Variants in FRMPD3 observed in about 807,000 individuals in gnomAD.
The protein encoded by FRMPD3 is FERM and PDZ domain-containing protein 3.
A neutral mutation model predicts 97.9 loss-of-function variants in FRMPD3; 42 were observed. The ratio of observed to expected loss-of-function variants is 0.43; its 90% CI spans 0.34 to 0.55. The LOEUF is 0.55. Among genes scored for constraint, FRMPD3 ranks in the 20% least tolerant of loss-of-function variants. The probability of loss-of-function intolerance (pLI) is 0.03; values close to 1 mark genes in which losing one functional copy is unlikely to be tolerated. For missense variants in FRMPD3, 1,303 were observed against 1,457.7 expected (o/e 0.89, Z 1.73); for synonymous variants, 577 against 581.1 (o/e 0.99, Z 0.10).
rs748857613 is a variant in FRMPD3 at position 107,600,595 on chromosome X, C to T, written c.2556C>T (p.Gly852=). 2 of 1,210,096 alleles carry T rather than the reference C, an allele frequency of 1.7e-6. No homozygotes were observed. The highest frequency in any genetic ancestry group is 2.2e-6 in the Non-Finnish European group (2 of 894,944). Residue 852 remains glycine, a synonymous_variant, in exon 15 of 15, where the codon GGC becomes GGT. Transcript: ENST00000683843. The stretch of plus-strand genomic sequence containing the variant: ...CCATTGCCACAGGCCAGAGTCCTGG[C>T]CCCCCTGGCGCTCGGAGGAAGCTGC... ...LQPIATGQSP[G]PPGARRKLPQ...
chrX:107,583,742 T>C (rs1428792882), intron 13 of FRMPD3, among the ~76,000 whole-genome samples: 2 of 111,641 alleles, frequency 1.8e-5, no homozygotes, highest in Non-Finnish European at 3.8e-5. Flanking sequence ...ACAGCCTCAC[T>C]AGCATTTATT....
At chrX:107,591,778 C>T (rs1366816225) in intron 13 of FRMPD3, among the ~76,000 whole-genome samples, 1 of 110,546 alleles carries the variant, frequency 9.0e-6, no homozygotes, top group Admixed American at 9.7e-5. Context: ...TTTGTGTGTA[C>T]ATAGTAGTTG....
chrX:107,600,867 T>C lies in FRMPD3; in HGVS notation c.2828T>C (p.Leu943Pro). The C allele has an allele frequency of 5.0e-6, 6 of 1,209,521 alleles. No individual in the cohort carries two copies. The highest frequency in any genetic ancestry group is 6.7e-6 in the Non-Finnish European group (6 of 894,887). ...AAGGAGGTCAGGTTGAGCCCCAAGC[T>C]TATCCTCGACCCAAAGAGCAGTGTG... Reference protein sequence around the residue: ...LPKEVRLSPKLILDPKSSVTP... With the variant: ...LPKEVRLSPKPILDPKSSVTP... The change falls in exon 15 of 15, where the codon CTT becomes CCT. Residue 943 changes from leucine (L) to proline (P), a missense_variant. Around this residue, in one of 3 missense-constraint regions of FRMPD3, gnomAD observed 764 missense variants for 820.2 expected, o/e 0.93. Coordinates refer to ENST00000683843, the MANE Select transcript of FRMPD3 (RefSeq NM_001388459.1).
chrX:107,576,494 A>G, intron 13 of FRMPD3, 35 bp downstream of exon 13: 3 of 1,199,145 alleles, frequency 2.5e-6, no homozygotes, highest in Non-Finnish European at 3.4e-6. Flanking sequence ...TTGCTGTGCC[A>G]GAGGCCCTTT....
chrX:107,557,797 CTATA>C (rs59276897), intron 8 of FRMPD3, among the ~76,000 whole-genome samples: 2,265 of 29,874 alleles, frequency 0.076, 40 homozygotes, highest in Non-Finnish European at 0.11. Flanking sequence ...AATCTGTTGT[CTATA>C]TATATATATA....
chrX:107,455,907 A>T (rs750698882), intron 1 of FRMPD3, among the ~76,000 whole-genome samples: 1 of 111,704 alleles, frequency 9.0e-6, no homozygotes, highest in Non-Finnish European at 1.9e-5. Flanking sequence ...ATATTTGTTG[A>T]CTACTCAAAT....
rs367832073 is a variant in FRMPD3, at chrX:107,584,031, T to A, written c.1441+7572T>A. ...ACAGGCGCCTGCCACCATGCCCAGC[T>A]AATTTTTGTATTTTTAGTAGAGATG... is the stretch of plus-strand genomic sequence containing the variant. On this transcript the variant is annotated intron_variant, in intron 13 of 14. Transcript: ENST00000683843. Among the ~76,000 whole-genome samples, 17 of 109,729 alleles carry A rather than the reference T, an allele frequency of 1.5e-4. No homozygotes were observed. In the East Asian group the frequency reaches 4.8e-3, roughly 31 times the overall value.
intron 1 of FRMPD3, among the ~76,000 whole-genome samples, chrX:107,459,901 AC>A (rs1931439160): frequency 9.2e-6 from 1 of 108,226 alleles, no homozygotes; most frequent in Non-Finnish European, 1.9e-5. Flanking sequence ...ACACACACAC[AC>A]ACACACACAC....
chrX:107,466,580 G>A lies in FRMPD3; in HGVS notation c.-8+16575G>A, dbSNP rs748124956. On this transcript the variant is annotated intron_variant, in intron 1 of 14. Coordinates refer to ENST00000683843, the MANE Select transcript of FRMPD3 (RefSeq NM_001388459.1). Reference sequence around the variant, plus strand: ...AGTTGATCCATTTCATTTAGGTCTTGTTCTTTCCTTTTCCCTTCAGTGGGA... The same window carrying A: ...AGTTGATCCATTTCATTTAGGTCTTATTCTTTCCTTTTCCCTTCAGTGGGA... Among the ~76,000 whole-genome samples, 6 of 112,320 alleles carry A rather than the reference G, an allele frequency of 5.3e-5. No homozygotes were observed. The East Asian group carries it at 1.4e-3, about 26-fold the overall frequency.
rs1210987468 is a variant in FRMPD3, at chrX:107,516,594, T to A, written c.-7-9988T>A. On this transcript the variant is annotated intron_variant, in intron 1 of 14. Coordinates refer to ENST00000683843, the MANE Select transcript of FRMPD3 (RefSeq NM_001388459.1). ...GAACTGGTGTGAGATGGTATCTCAC[T>A]GTGGTTTTGATTTGCATTTCTCTGA... is the stretch of plus-strand genomic sequence containing the variant. Among the ~76,000 whole-genome samples, 34 of 111,995 alleles carry A rather than the reference T, an allele frequency of 3.0e-4. 1 individual carries two copies. Among genetic ancestry groups the A allele is most frequent in the Non-Finnish European group, 3.0e-4 (16 of 53,234 alleles).
At chrX:107,568,566 CAAA>C (rs749398991) in intron 12 of FRMPD3, among the ~76,000 whole-genome samples, 1 of 52,833 alleles carries the variant, frequency 1.9e-5, no homozygotes, top group African/African-American at 6.5e-5. Flanking sequence ...ACTAAAAATG[CAAA>C]AAAAAAAAAA....
chrX:107,557,527 A>T (rs1922127520), intron 8 of FRMPD3, among the ~76,000 whole-genome samples: 1 of 108,661 alleles, frequency 9.2e-6, no homozygotes, highest in Non-Finnish European at 1.9e-5. Flanking sequence ...ATATCTAAAA[A>T]ATCTTTGTCT....
chrX:107,541,342 A>G (rs1921292031), intron 4 of FRMPD3, among the ~76,000 whole-genome samples: 1 of 112,437 alleles, frequency 8.9e-6, no homozygotes, highest in African/African-American at 3.2e-5. Flanking sequence ...GTGTCTGAGC[A>G]TAAGGCTAGA....
chrX:107,493,896 A>G (rs1294112079), intron 1 of FRMPD3, among the ~76,000 whole-genome samples: 1 of 111,781 alleles, frequency 8.9e-6, no homozygotes, highest in Non-Finnish European at 1.9e-5. Context: ...TCCATTCTGT[A>G]CAGTAAGGTG....
chrX:107,555,624 A>G (rs1052064240), intron 8 of FRMPD3, among the ~76,000 whole-genome samples: 1 of 111,807 alleles, frequency 8.9e-6, no homozygotes, highest in African/African-American at 3.3e-5. Flanking sequence ...ATTATCTGGG[A>G]GGTTTGGGAA....
At chrX:107,533,020 A>T (rs755570214) in intron 3 of FRMPD3, among the ~76,000 whole-genome samples, 1 of 111,617 alleles carries the variant, frequency 9.0e-6, no homozygotes, top group South Asian at 3.8e-4. Context: ...AAATCTGATG[A>T]GTATGAGTCA....
At chrX:107,450,559 A>G (rs182667117) in intron 1 of FRMPD3, among the ~76,000 whole-genome samples, 1,558 of 91,737 alleles carry the variant, frequency 0.017, 49 homozygotes, top group African/African-American at 0.068. Flanking sequence ...CCCCATGCAA[A>G]GACCACACAC....
chrX:107,451,284 T>C (rs1931285292), intron 1 of FRMPD3, among the ~76,000 whole-genome samples: 2 of 112,352 alleles, frequency 1.8e-5, no homozygotes, highest in South Asian at 3.7e-4. Context: ...GGAACTGCTA[T>C]AAGCGCAAGG....
chrX:107,550,256 C>CCTTACTCCAG, intron 6 of FRMPD3, 100 bp downstream of exon 6: 1 of 586,297 alleles, frequency 1.7e-6, no homozygotes, highest in Non-Finnish European at 2.8e-6. Context: ...CTGCTTGCCA[C>CCTTACTCCAG]TGGAGTAAGG....
Sources: allele counts gnomAD v4.1 joint callset (sites outside exome capture counted in the v4.1 genomes callset), GRCh38; gene constraint gnomAD v4.1.1; regional missense constraint gnomAD v4.1.1; transcripts MANE v1.5; gene names NCBI Gene and HGNC (gene_info 2026-07-23, HGNC 2026-07-21).